The following LRRFIP2 variants were observed in gnomAD, a reference collection of about 807,000 sequenced individuals.
The protein encoded by LRRFIP2 is LRR binding FLII interacting protein 2.
A neutral mutation model predicts 125.9 loss-of-function variants in LRRFIP2; 109 were observed. That is an observed-to-expected ratio of 0.87 (90% CI 0.74 to 1.01). The LOEUF (loss-of-function observed/expected upper bound fraction) is 1.01. Ranked by LOEUF, LRRFIP2 falls within the 50% of genes least tolerant of loss-of-function variation. LRRFIP2 has a pLI of 0.00. For missense variants in LRRFIP2, 850 were observed against 862.3 expected, an observed-to-expected ratio of 0.99 and a Z score of 0.18; for synonymous variants, 291 against 293.1, an observed-to-expected ratio of 0.99 and a Z score of 0.07.
chr3:37,077,415 C>T (rs2092199068), intron 19 of LRRFIP2, among the ~76,000 whole-genome samples: 2 of 152,090 alleles, frequency 1.3e-5, no homozygotes, highest in South Asian at 4.1e-4. Context: ...TGCACGACAG[C>T]ATTTATATTA....
chr3:37,128,477 T>C (rs952018803), intron 3 of LRRFIP2, among the ~76,000 whole-genome samples: 2 of 152,142 alleles, frequency 1.3e-5, no homozygotes, highest in African/African-American at 4.8e-5. Flanking sequence ...TTGTAAATTA[T>C]AGAAAAGTAT....
At chr3:37,089,890 T>G (rs1321222978) in intron 18 of LRRFIP2, among the ~76,000 whole-genome samples, 1 of 152,232 alleles carries the variant, frequency 6.6e-6, no homozygotes, top group Non-Finnish European at 1.5e-5. Context: ...GGAGTAAGAT[T>G]AAATGAGAAC....
intron 27 of LRRFIP2, 101 bp from the exon 28 acceptor site, chr3:37,054,062 A>G: frequency 1.3e-6 from 1 of 778,862 alleles, no homozygotes. Flanking sequence ...GCTAACTGTG[A>G]TGGCCTTGCA....
chr3:37,126,230 A>G (rs1332816757), intron 4 of LRRFIP2, among the ~76,000 whole-genome samples: 3 of 152,214 alleles, frequency 2.0e-5, no homozygotes, highest in East Asian at 3.9e-4. Context: ...GGGTTTCACC[A>G]TGTTGGCCAG....
intron 2 of LRRFIP2, among the ~76,000 whole-genome samples, chr3:37,134,464 T>C (rs748382627): frequency 1.3e-5 from 2 of 152,100 alleles, no homozygotes; most frequent in Non-Finnish European, 2.9e-5. Context: ...TCTTAAGTCA[T>C]TGCAAAGCTA....
Position 37,112,928 on chromosome 3 carries a change from T to A in LRRFIP2, c.425A>T (p.His142Leu). 1 of 1,574,162 alleles carries A rather than the reference T, an allele frequency of 6.4e-7. No homozygotes were observed. Among genetic ancestry groups the A allele is most frequent in the Non-Finnish European group, 8.7e-7 (1 of 1,148,986 alleles). Residue 142 changes from histidine to leucine, a missense_variant, in exon 8 of 28, where the codon CAT becomes CTT. Coordinates refer to ENST00000336686, the MANE Select transcript of LRRFIP2 (RefSeq NM_006309.4). ...HGMKKRSSDS[H>L]KDLLSGLYFD... is the part of the protein sequence containing the mutation. ...AACAGAACTAACCAGTAGGTCTTTA[T>A]GAGAATCAGAAGACCTCTTCTTCAT... is the stretch of plus-strand genomic sequence containing the variant.
intron 23 of LRRFIP2, chr3:37,065,427 A>G (rs1559675515): frequency 2.6e-6 from 1 of 379,614 alleles, no homozygotes; most frequent in Non-Finnish European, 5.2e-6. Context: ...GTGGAACATA[A>G]AACCAGATGT....
rs2095932589 is a variant in LRRFIP2, at chr3:37,148,904, A to G, written c.80T>C (p.Ile27Thr). Residue 27 changes from isoleucine to threonine, a missense_variant, in exon 2 of 28, where the codon ATT becomes ACT. Coordinates refer to ENST00000336686, the MANE Select transcript of LRRFIP2 (RefSeq NM_006309.4). ...FSAEDEALSN[I>T]AREAEARLAA... is the part of the protein sequence containing the mutation. ...ATTTACCAAACATACCTCTCTGGCA[A>G]TGTTACTCAAAGCTTCATCTTCTGC... 2 of 1,613,966 alleles carry G rather than the reference A, an allele frequency of 1.2e-6. No homozygotes were observed. The highest frequency in any genetic ancestry group is 2.2e-5 in the East Asian group (1 of 44,868).
chr3:37,114,927 G>T, intron 7 of LRRFIP2, 127 bp downstream of exon 7: 2 of 687,476 alleles, frequency 2.9e-6, no homozygotes, highest in South Asian at 2.0e-5. Context: ...TTTTTGCTTT[G>T]TTAGTCACAC....
intron 2 of LRRFIP2, among the ~76,000 whole-genome samples, chr3:37,131,301 C>G (rs2095422261): frequency 6.6e-6 from 1 of 152,100 alleles, no homozygotes; most frequent in East Asian, 1.9e-4. Context: ...AAAATATTAC[C>G]TTCTATGAAG....
At chr3:37,137,191 T>A (rs2095579629) in intron 2 of LRRFIP2, among the ~76,000 whole-genome samples, 1 of 152,128 alleles carries the variant, frequency 6.6e-6, no homozygotes, top group Non-Finnish European at 1.5e-5. Context: ...TTGCCCAGGC[T>A]GGTCTCGAAC....
chr3:37,131,663 T>C (rs138120886), intron 2 of LRRFIP2, among the ~76,000 whole-genome samples: 50 of 152,302 alleles, frequency 3.3e-4, no homozygotes, highest in African/African-American at 1.1e-3. Context: ...CCAAGTCTCA[T>C]AGTAAGAATA....
At chr3:37,151,189 T>TCTCTACTAA (rs1243371891) in intron 1 of LRRFIP2, among the ~76,000 whole-genome samples, 51 of 152,144 alleles carry the variant, frequency 3.4e-4, no homozygotes, top group African/African-American at 1.2e-3. Flanking sequence ...CGAAACCCCA[T>TCTCTACTAA]CTCTACTAAA....
intron 1 of LRRFIP2, among the ~76,000 whole-genome samples, chr3:37,165,479 A>G (rs111359646): frequency 6.7e-6 from 1 of 149,634 alleles, no homozygotes; most frequent in Non-Finnish European, 1.5e-5. Flanking sequence ...CTCAGGGGTC[A>G]GGCATGGTGG....
chr3:37,165,949 A>G (rs1265897040), intron 1 of LRRFIP2, among the ~76,000 whole-genome samples: 1 of 152,218 alleles, frequency 6.6e-6, no homozygotes, highest in Non-Finnish European at 1.5e-5. Context: ...AATATATGGG[A>G]AAAACTTCAT....
intron 13 of LRRFIP2, among the ~76,000 whole-genome samples, chr3:37,107,114 G>A (rs9836666): frequency 0.029 from 4,440 of 152,128 alleles, 167 homozygotes; most frequent in African/African-American, 0.089. Context: ...ATGTCGGTCA[G>A]GCTAGTCTCA....
chr3:37,167,391 C>G (rs1406139196), intron 1 of LRRFIP2, among the ~76,000 whole-genome samples: 2 of 152,160 alleles, frequency 1.3e-5, no homozygotes, highest in East Asian at 1.9e-4. Flanking sequence ...TGCAGTGGCT[C>G]ACGCCTGTAA....
At chr3:37,094,991 T>C (rs2093650383) in intron 16 of LRRFIP2, 83 bp from the exon 17 acceptor site, 1 of 872,150 alleles carries the variant, frequency 1.1e-6, no homozygotes, top group Non-Finnish European at 1.9e-6. Flanking sequence ...GGCAGGGTGG[T>C]TGGGGGAAGA....
chr3:37,124,130 T>C (rs558194540), intron 4 of LRRFIP2, among the ~76,000 whole-genome samples: 7 of 152,270 alleles, frequency 4.6e-5, no homozygotes, highest in Admixed American at 3.9e-4. Context: ...ACCATGGAAA[T>C]ATTCTATATT....
Sources: gnomAD v4.1 joint callset for allele counts (sites outside exome capture counted in the v4.1 genomes callset) on GRCh38, gnomAD v4.1.1 for gene constraint, MANE v1.5 for transcripts, NCBI Gene and HGNC (gene_info 2026-07-23, HGNC 2026-07-21) for gene names.